FLCN: variants seen among roughly 807,000 people sequenced by gnomAD.
FLCN encodes BHD skin lesion fibrofolliculoma protein.
FLCN carries 22 observed loss-of-function variants against 62.5 expected under a neutral mutation model. The ratio of observed to expected loss-of-function variants is 0.35; its 90% CI spans 0.25 to 0.50. FLCN has a LOEUF of 0.50. FLCN is among the 20% of genes least tolerant of loss of function. The pLI, the probability that FLCN is intolerant of heterozygous loss-of-function variation, is 0.97. For synonymous variants in FLCN, 319 were observed against 310.0 expected (o/e 1.03, Z -0.30); for missense variants, 657 against 778.0 (o/e 0.84, Z 1.85).
Position 17,215,260 on chromosome 17 carries a change from C to T in FLCN, c.1357G>A (p.Gly453Arg). The change falls in exon 12 of 14, where the codon GGG becomes AGG. Residue 453 changes from glycine to arginine, a missense_variant. Coordinates refer to ENST00000285071, the MANE Select transcript of FLCN (RefSeq NM_144997.7). ...CTGAGAGACTGGTCATCCTCACACC[C>T]CACAGGGTGGAGGGTGGAACGTGCG... is the stretch of plus-strand genomic sequence containing the variant. ...AAARSTLHPV[G>R]CEDDQSLSKY... 2.5e-6 allele frequency: 4 copies of T among 1,614,194 alleles called. No individual in the cohort carries two copies. Among genetic ancestry groups the T allele is most frequent in the Non-Finnish European group, 3.4e-6 (4 of 1,180,038 alleles).
intron 3 of FLCN, chr17:17,228,487 A>C: frequency 6.0e-6 from 2 of 334,444 alleles, no homozygotes; most frequent in Non-Finnish European, 1.1e-5. Flanking sequence ...CTGCAGCCAA[A>C]CCTGGCAAAC....
intron 8 of FLCN, chr17:17,219,565 CTTTTTTTTTTTTTT>C (rs33981693): frequency 8.1e-6 from 1 of 123,098 alleles, no homozygotes; most frequent in African/African-American, 4.4e-5. Flanking sequence ...TTTTTTTCCA[CTTTTTTTTTTTTTT>C]TTTTTTTTGA....
intron 4 of FLCN, among the ~76,000 whole-genome samples, chr17:17,227,648 T>G (rs964429831): frequency 6.6e-6 from 1 of 151,960 alleles, no homozygotes; most frequent in Non-Finnish European, 1.5e-5. Flanking sequence ...GAGGCAGAGG[T>G]TGCAGTGAGC....
rs769968368 is a variant in FLCN, at chr17:17,216,444, G to C, written c.1236C>G (p.Ala412=). ...TGAGCCCCAGGAAGTTGCACCGATA[G>C]GCCTCCTCGTACTGGCTGCTGTATG... ...IIPYSSQYEE[A]YRCNFLGLSP... The change falls in exon 11 of 14, where the codon GCC becomes GCG. Residue 412 remains alanine, a synonymous_variant. Coordinates refer to ENST00000285071, the MANE Select transcript of FLCN (RefSeq NM_144997.7). This position sits in a 1 kb window ranked among gnomAD's most constrained non-coding sequence, Gnocchi z 4.0. 6.2e-7 allele frequency: 1 copy of C among 1,613,776 alleles called. No homozygotes were observed. Among genetic ancestry groups the C allele is most frequent in the African/African-American group, 1.3e-5 (1 of 74,926 alleles).
At chr17:17,221,709 C>A in intron 7 of FLCN, 81 bp from the exon 8 acceptor site, 1 of 1,469,046 alleles carries the variant, frequency 6.8e-7, no homozygotes. Context: ...CTGATCCTAC[C>A]AGTTTAAAGA....
At chr17:17,231,286 T>C (rs1403760918) in intron 3 of FLCN, among the ~76,000 whole-genome samples, 1 of 152,192 alleles carries the variant, frequency 6.6e-6, no homozygotes, top group Non-Finnish European at 1.5e-5. Context: ...GAGTGTTTGC[T>C]AGGCACACAC....
intron 8 of FLCN, 137 bp downstream of exon 8, chr17:17,221,400 A>G: frequency 6.2e-7 from 1 of 1,613,468 alleles, no homozygotes; most frequent in Non-Finnish European, 8.5e-7. Flanking sequence ...TCGGAGGGTG[A>G]GCTTCCCGAA....
chr17:17,223,527 CT>C (rs2144963968), intron 6 of FLCN, among the ~76,000 whole-genome samples: 1 of 152,374 alleles, frequency 6.6e-6, no homozygotes, highest in Non-Finnish European at 1.5e-5. Flanking sequence ...AGATCCGAGG[CT>C]GTTACCAGAG....
In FLCN at chr17:17,227,994, C is replaced by T. The variant is rs2047308479; in HGVS notation, c.144G>A (p.Glu48=). The part of the protein sequence containing the change: ...SPGQGEQAEE[E]EGGIQMNSRM... Reference sequence around the variant, plus strand: ...GACTGTTCATCTGAATGCCACCTTCCTCTTCTTCCGCCTGCTCACCCTGGC... The same window carrying T: ...GACTGTTCATCTGAATGCCACCTTCTTCTTCTTCCGCCTGCTCACCCTGGC... Residue 48 remains glutamate, a synonymous_variant, in exon 4 of 14, where the codon GAG becomes GAA. Transcript: ENST00000285071. 6.2e-7 allele frequency: 1 copy of T among 1,614,124 alleles called. No individual in the cohort carries two copies. Among genetic ancestry groups the T allele is most frequent in the Middle Eastern group, 1.6e-4 (1 of 6,062 alleles).
rs10681411 is a variant in FLCN, at chr17:17,214,142, G to GAAGA, written c.1539-290_1539-287dup. ...CCTCAAGCTGTTGTCAAGACGCCAA[G>GAAGA]AAGAAAGAAAAACCTTCCTTAAACT... On this transcript the variant is annotated intron_variant, in intron 13 of 13. Coordinates refer to ENST00000285071, the MANE Select transcript of FLCN (RefSeq NM_144997.7). Among the ~76,000 whole-genome samples the GAAGA allele has an allele frequency of 0.23, 34,582 of 151,900 alleles. 5,788 individuals carry two copies. The highest frequency in any genetic ancestry group is 0.47 in the African/African-American group (19,576 of 41,274).
At position 17,228,240 on chromosome 17, in the gene FLCN, G is replaced by A; in HGVS notation, c.-24-79C>T. The A allele has an allele frequency of 4.7e-6, 7 of 1,492,038 alleles. No homozygotes were observed. In the South Asian group the frequency reaches 6.6e-5, roughly 14 times the overall value. The allele number at this position is 1,492,038 out of a possible 1,614,324, so 92.4% of individuals were successfully genotyped here. A position where few individuals can be genotyped will look rare whatever the true frequency, so the allele number is the denominator to read the frequency against. ...CCTCCCCAGCCCCTCTGGAGCACAG[G>A]GAGCACCTGGGTGCCATGGACTTCC... On this transcript the variant is annotated intron_variant, in intron 3 of 13. Transcript: ENST00000285071.
chr17:17,227,583 G>C (rs756660784), intron 4 of FLCN, among the ~76,000 whole-genome samples: 1 of 152,106 alleles, frequency 6.6e-6, no homozygotes, highest in Non-Finnish European at 1.5e-5. Flanking sequence ...CGTGGTGGCA[G>C]GCAAGTGTAA....
In FLCN at chr17:17,219,059, CG is replaced by C. The variant is rs1060502368; in HGVS notation, c.1021del (p.Arg341GlyfsTer12). On this transcript the variant is annotated frameshift_variant, in exon 9 of 14. Transcript: ENST00000285071. LOFTEE classifies it high-confidence loss of function. ...SLSGCGSWQPRKLPVFKSLRH... is the reference protein window; with the variant it reads ...SLSGCGSWQPXKLPVFKSLRH... The stretch of plus-strand genomic sequence containing the variant: ...GAGGGACTTGAAGACTGGCAGCTTC[CG>C]GGGCTGCCAGCTCCCACAGCCTGAG... The C allele has an allele frequency of 6.2e-7, 1 of 1,613,736 alleles. No homozygotes were observed. Among genetic ancestry groups the C allele is most frequent in the Non-Finnish European group, 8.5e-7 (1 of 1,179,928 alleles).
At position 17,213,776 on chromosome 17, in the gene FLCN, C is replaced by A. The variant is rs1402955238; in HGVS notation, c.1619G>T (p.Gly540Val). 1.9e-6 allele frequency: 3 copies of A among 1,614,254 alleles called. No homozygotes were observed. The highest frequency in any genetic ancestry group is 1.7e-5 in the Admixed American group (1 of 60,028). ...CTTGACATTGTCCTCCTCGGACGCA[C>A]CCAGGATGCTCAGCAGCTTCTGTGT... ...EDTQKLLSIL[G>V]ASEEDNVKLL... Residue 540 changes from glycine to valine, a missense_variant, in exon 14 of 14, where the codon GGT becomes GTT. Physicochemically the swap from Gly to Val is moderately radical, Grantham distance 109. Transcript: ENST00000285071.
In FLCN at chr17:17,228,460, TC is replaced by T. The variant is rs1313795957; in HGVS notation, c.-24-300del. ...AAGCCAACGGCGCTGGAAAGGAATG[TC>T]CTCAAGTGACATGAACTGCAGCCAA... is the stretch of plus-strand genomic sequence containing the variant. On this transcript the variant is annotated intron_variant, in intron 3 of 13. Coordinates refer to ENST00000285071, the MANE Select transcript of FLCN (RefSeq NM_144997.7). The T allele has an allele frequency of 2.3e-5, 9 of 391,886 alleles. No individual in the cohort carries two copies. The East Asian group carries it at 4.3e-4, about 19-fold the overall frequency. 24.3% of individuals were successfully genotyped at this position (391,886 alleles called of 1,614,324 possible).
In FLCN at chr17:17,221,486, C is replaced by T. The variant is rs148567904; in HGVS notation, c.871+51G>A. On this transcript the variant is annotated intron_variant, in intron 8 of 13. Coordinates refer to ENST00000285071, the MANE Select transcript of FLCN (RefSeq NM_144997.7). ...TGCCAGGAGAGCAGACAGCTGGTACCGCCCCACGGCCATCCGGGCCAAGGC... is the reference window on the plus strand; with the variant it reads ...TGCCAGGAGAGCAGACAGCTGGTACTGCCCCACGGCCATCCGGGCCAAGGC... 17 of 1,613,884 alleles carry T rather than the reference C, an allele frequency of 1.1e-5. No individual in the cohort carries two copies. The Admixed American group carries it at 1.2e-4, about 11-fold the overall frequency.
At chr17:17,225,044 C>T (rs1217279095) in intron 5 of FLCN, 1 of 152,178 alleles carries the variant, frequency 6.6e-6, no homozygotes, top group Admixed American at 6.6e-5. Context: ...TGGGTGGACA[C>T]CAATGACAAG....
Position 17,213,613 on chromosome 17 carries a change from G to A in FLCN, c.*42C>T, listed in dbSNP as rs750934121. 2.5e-6 allele frequency: 4 copies of A among 1,612,646 alleles called. No individual in the cohort carries two copies. The highest frequency in any genetic ancestry group is 4.5e-5 in the East Asian group (2 of 44,872). On this transcript the variant is annotated 3_prime_UTR_variant, in exon 14 of 14. Transcript: ENST00000285071. ...CCCTCTCACGGGGCTGGAGGATCCT[G>A]TGGACAGCCATCCCTGTCTTTAGGC...
chr17:17,214,352 T>A (rs2046842481), intron 13 of FLCN, among the ~76,000 whole-genome samples: 1 of 151,158 alleles, frequency 6.6e-6, no homozygotes, highest in Non-Finnish European at 1.5e-5. Flanking sequence ...TCCCAGCACT[T>A]TGGGAGGCCA....
Sources: allele counts gnomAD v4.1 joint callset (sites outside exome capture counted in the v4.1 genomes callset), GRCh38; gene constraint gnomAD v4.1.1; non-coding constraint Gnocchi (gnomAD v3.1); transcripts MANE v1.5; gene names NCBI Gene and HGNC (gene_info 2026-07-23, HGNC 2026-07-21).